TCF7L1: variants seen among roughly 807,000 people sequenced by gnomAD.
The protein encoded by TCF7L1 is transcription factor 7-like 1.
TCF7L1 carries 18 observed loss-of-function variants against 63.7 expected under a neutral mutation model. The observed-to-expected ratio is 0.28, with a 90% CI of 0.20 to 0.42. The LOEUF is 0.42. Among genes scored for constraint, TCF7L1 ranks in the 10% least tolerant of loss-of-function variants. The probability of loss-of-function intolerance (pLI) is 1.00; values close to 1 mark genes in which losing one functional copy is unlikely to be tolerated. For missense variants in TCF7L1, 654 were observed against 779.3 expected (o/e 0.84, Z 1.91); for synonymous variants, 355 against 340.9 (o/e 1.04, Z -0.46).
chr2:85,235,076 A>C (rs1268626162), intron 3 of TCF7L1, among the ~76,000 whole-genome samples: 1 of 152,118 alleles, frequency 6.6e-6, no homozygotes, highest in Non-Finnish European at 1.5e-5. Flanking sequence ...GTGGCTGTGA[A>C]GAGGCTCTGT....
At chr2:85,259,815 T>C (rs1219474543) in intron 3 of TCF7L1, among the ~76,000 whole-genome samples, 1 of 152,222 alleles carries the variant, frequency 6.6e-6, no homozygotes, top group Non-Finnish European at 1.5e-5. Context: ...AGCCTTGAAA[T>C]GCGGGGATGT....
intron 3 of TCF7L1, among the ~76,000 whole-genome samples, chr2:85,168,061 G>A (rs1036630713): frequency 6.6e-6 from 1 of 151,394 alleles, no homozygotes; most frequent in Non-Finnish European, 1.5e-5. Flanking sequence ...GTGTTGTTCG[G>A]TGGGTGTAAA....
At position 85,308,529 on chromosome 2, in the gene TCF7L1, TCCGC is replaced by T. The variant is rs1311644748; in HGVS notation, c.1334-497_1334-494del. ...CTTTCTTCTTCCCTCGCTTTCTCCT[TCCGC>T]CCTCCCTTTCTCCTTCCCTCCCTCC... On this transcript the variant is annotated intron_variant, in intron 11 of 11. Coordinates refer to ENST00000282111, the MANE Select transcript of TCF7L1 (RefSeq NM_031283.3). 1.8e-3 allele frequency among the ~76,000 whole-genome samples: 183 copies of T among 99,976 alleles called. 1 individual carries two copies. The highest frequency in any genetic ancestry group is 6.7e-3 in the African/African-American group (172 of 25,668). The allele number at this position is 99,976 out of a possible 152,430, so 65.6% of individuals were successfully genotyped here.
chr2:85,300,411 C>G (rs1681940781), intron 4 of TCF7L1, among the ~76,000 whole-genome samples: 1 of 152,108 alleles, frequency 6.6e-6, no homozygotes, highest in Non-Finnish European at 1.5e-5. Context: ...TCTTCAAAAA[C>G]GAGTAATTGG....
At position 85,309,325 on chromosome 2, in the gene TCF7L1, C is replaced by T. The variant is rs757058562; in HGVS notation, c.1630C>T (p.Arg544Trp). The change falls in exon 12 of 12, where the codon CGG becomes TGG. Residue 544 changes from arginine (R) to tryptophan (W), a missense_variant. Coordinates refer to ENST00000282111, the MANE Select transcript of TCF7L1 (RefSeq NM_031283.3). ...QMGSQPPLLS[R>W]PLPLGSMPTA... Reference sequence around the variant, plus strand: ...GGGCAGCCAGCCTCCCCTCCTGTCCCGGCCCCTCCCCCTTGGGTCCATGCC... The same window carrying T: ...GGGCAGCCAGCCTCCCCTCCTGTCCTGGCCCCTCCCCCTTGGGTCCATGCC... 8.1e-6 allele frequency: 13 copies of T among 1,612,920 alleles called. No homozygotes were observed. The highest frequency in any genetic ancestry group is 1.1e-5 in the South Asian group (1 of 90,972).
At position 85,275,390 on chromosome 2, in the gene TCF7L1, G is replaced by T. The variant is rs185301021; in HGVS notation, c.442-8105G>T. Reference sequence around the variant, plus strand: ...TGCCAGGTTCTTTGGAATGCGAGGGGAAGAGAATAGTTTTGAGATCATCCA... The same window carrying T: ...TGCCAGGTTCTTTGGAATGCGAGGGTAAGAGAATAGTTTTGAGATCATCCA... On this transcript the variant is annotated intron_variant, in intron 3 of 11. Transcript: ENST00000282111. Among the ~76,000 whole-genome samples, 349 of 152,268 alleles carry T rather than the reference G, an allele frequency of 2.3e-3. 2 individuals are homozygous for T. Among genetic ancestry groups the T allele is most frequent in the African/African-American group, 7.0e-3 (289 of 41,550 alleles).
rs397974438 is a variant in TCF7L1 at position 85,240,776 on chromosome 2, C to CAAA, written c.442-42702_442-42700dup. Among the ~76,000 whole-genome samples the CAAA allele has an allele frequency of 2.1e-3, 202 of 95,796 alleles. 2 individuals are homozygous for CAAA. The highest frequency in any genetic ancestry group is 6.0e-3 in the African/African-American group (175 of 29,342). 62.8% of individuals were successfully genotyped at this position (95,796 alleles called of 152,430 possible). Reference sequence around the variant, plus strand: ...GGGCAACAGAGCAAGACTCTTGCCTCAAAAAAAAAAAAAAAAAAATCAGTT... The same window carrying CAAA: ...GGGCAACAGAGCAAGACTCTTGCCTCAAAAAAAAAAAAAAAAAAAAAATCAGTT... On this transcript the variant is annotated intron_variant, in intron 3 of 11. Coordinates refer to ENST00000282111, the MANE Select transcript of TCF7L1 (RefSeq NM_031283.3).
intron 3 of TCF7L1, among the ~76,000 whole-genome samples, chr2:85,265,778 TG>T (rs1680957706): frequency 6.6e-6 from 1 of 151,892 alleles, no homozygotes; most frequent in Non-Finnish European, 1.5e-5. Flanking sequence ...TTTTTTTTTT[TG>T]AGTGTTTTTA....
chr2:85,286,106 G>T (rs954858479), intron 4 of TCF7L1, among the ~76,000 whole-genome samples: 1 of 150,636 alleles, frequency 6.6e-6, no homozygotes, highest in Non-Finnish European at 1.5e-5. Context: ...CAGGAGAATC[G>T]CCTGAACCCG....
intron 3 of TCF7L1, among the ~76,000 whole-genome samples, chr2:85,280,806 C>G (rs1681394560): frequency 6.6e-6 from 1 of 152,074 alleles, no homozygotes; most frequent in Non-Finnish European, 1.5e-5. Flanking sequence ...TTCTGGGTGG[C>G]CAGCCCCGTG....
At chr2:85,229,002 CAGAG>C (rs1218444337) in intron 3 of TCF7L1, among the ~76,000 whole-genome samples, 1 of 113,178 alleles carries the variant, frequency 8.8e-6, no homozygotes, top group African/African-American at 3.7e-5. Context: ...GCCTGGGCGA[CAGAG>C]AGAGACTCTG....
intron 3 of TCF7L1, among the ~76,000 whole-genome samples, chr2:85,140,270 G>A (rs553302062): frequency 6.6e-6 from 1 of 152,264 alleles, no homozygotes; most frequent in East Asian, 1.9e-4. Flanking sequence ...GTCTATGAGA[G>A]GCTCTCATTG....
In TCF7L1 at chr2:85,134,571, T is replaced by G; in HGVS notation, c.441+121T>G. The G allele has an allele frequency of 5.0e-6, 7 of 1,394,360 alleles. No homozygotes were observed. The highest frequency in any genetic ancestry group is 5.2e-5 in the Admixed American group (2 of 38,192). 86.4% of individuals were successfully genotyped at this position (1,394,360 alleles called of 1,614,324 possible). A position where few individuals can be genotyped will look rare whatever the true frequency, so the allele number is the denominator to read the frequency against. ...GCGCCGATCCCAAGCAGAACTTGTT[T>G]GCGGAGTTGAACTACTCTCTGGCGG... On this transcript the variant is annotated intron_variant, in intron 3 of 11. Coordinates refer to ENST00000282111, the MANE Select transcript of TCF7L1 (RefSeq NM_031283.3). This position sits in a 1 kb window ranked among gnomAD's most constrained non-coding sequence, Gnocchi z 5.0.
intron 3 of TCF7L1, among the ~76,000 whole-genome samples, chr2:85,190,920 G>A (rs373932221): frequency 6.6e-6 from 1 of 152,298 alleles, no homozygotes; most frequent in African/African-American, 2.4e-5. Context: ...GAGTGGCAGA[G>A]CTTCAGTGGA....
intron 4 of TCF7L1, among the ~76,000 whole-genome samples, chr2:85,289,203 A>C (rs1256662672): frequency 1.3e-5 from 2 of 151,188 alleles, no homozygotes; most frequent in Non-Finnish European, 2.9e-5. Flanking sequence ...CATTTTGTTA[A>C]ATAGTATTTC....
At chr2:85,185,647 G>C (rs1169604357) in intron 3 of TCF7L1, among the ~76,000 whole-genome samples, 1 of 152,040 alleles carries the variant, frequency 6.6e-6, no homozygotes, top group Admixed American at 6.6e-5. Flanking sequence ...TTCTGGGGAG[G>C]CTGCATTGGA....
chr2:85,168,192 A>AACATACACACACAC (rs369144573), intron 3 of TCF7L1, among the ~76,000 whole-genome samples: 2 of 145,604 alleles, frequency 1.4e-5, no homozygotes, highest in African/African-American at 5.1e-5. Flanking sequence ...GTTCTTACCA[A>AACATACACACACAC]ACACACACAC....
intron 3 of TCF7L1, among the ~76,000 whole-genome samples, chr2:85,257,120 A>G (rs546686513): frequency 4.6e-5 from 7 of 152,220 alleles, no homozygotes; most frequent in African/African-American, 9.6e-5. Flanking sequence ...AGGCTGAATC[A>G]GGAAGATTGC....
intron 3 of TCF7L1, among the ~76,000 whole-genome samples, chr2:85,173,442 A>G (rs1208670799): frequency 2.6e-5 from 4 of 151,772 alleles, no homozygotes; most frequent in Non-Finnish European, 5.9e-5. Flanking sequence ...ATATAGAAGC[A>G]CTCTGCGGGG....
Sources: allele counts gnomAD v4.1 joint callset (sites outside exome capture counted in the v4.1 genomes callset), GRCh38; gene constraint gnomAD v4.1.1; non-coding constraint Gnocchi (gnomAD v3.1); transcripts MANE v1.5; gene names NCBI Gene and HGNC (gene_info 2026-07-23, HGNC 2026-07-21).